Variants in HK1 observed in about 807,000 individuals in gnomAD.
The protein encoded by HK1 is hexokinase-1.
A neutral mutation model predicts 91.6 loss-of-function variants in HK1; 28 were observed. The observed-to-expected ratio is 0.31, with a 90% confidence interval of 0.23 to 0.42. HK1 has a LOEUF of 0.42. Ranked by LOEUF, HK1 falls within the 10% of genes least tolerant of loss-of-function variation. The probability of loss-of-function intolerance (pLI) is 1.00; values close to 1 mark genes in which losing one functional copy is unlikely to be tolerated. For missense variants in HK1, 770 were observed against 1,219.8 expected, an observed-to-expected ratio of 0.63 and a Z score of 5.49; for synonymous variants, 430 against 468.1, an observed-to-expected ratio of 0.92 and a Z score of 1.05.
intron 2 of HK1, among the ~76,000 whole-genome samples, chr10:69,355,809 G>GA (rs952896052): frequency 2.4e-4 from 36 of 147,606 alleles, no homozygotes; most frequent in South Asian, 1.7e-3. Flanking sequence ...ACTTTGTCTC[G>GA]AAAAAAAAAA....
intron 15 of HK1, among the ~76,000 whole-genome samples, chr10:69,393,975 A>G (rs942101533): frequency 2.0e-5 from 3 of 152,244 alleles, no homozygotes; most frequent in African/African-American, 7.2e-5. Flanking sequence ...GGTTAAGGAC[A>G]TGTCAGCACC....
intron 2 of HK1, among the ~76,000 whole-genome samples, chr10:69,348,419 T>G (rs1262466975): frequency 6.6e-6 from 1 of 152,234 alleles, no homozygotes; most frequent in Non-Finnish European, 1.5e-5. Context: ...TCAAGTATTC[T>G]CTCTATCTGT....
At chr10:69,347,369 G>A (rs141538079) in intron 2 of HK1, among the ~76,000 whole-genome samples, 245 of 152,056 alleles carry the variant, frequency 1.6e-3, no homozygotes, top group African/African-American at 5.7e-3. Context: ...TGATTACTAG[G>A]GAGAATGAAG....
chr10:69,364,483 ATT>A (rs571425524), intron 3 of HK1, among the ~76,000 whole-genome samples: 6 of 151,688 alleles, frequency 4.0e-5, no homozygotes, highest in Non-Finnish European at 8.8e-5. Flanking sequence ...TTATTTTTCC[ATT>A]TTTCTCAGTA....
At chr10:69,315,849 G>A, upstream of HK1, 1 of 1,093,246 alleles carries the variant, frequency 9.1e-7, no homozygotes, top group Non-Finnish European at 1.4e-6. Context: ...GGACTAGGCT[G>A]GAGTCCTGGC....
intron 1 of HK1, among the ~76,000 whole-genome samples, chr10:69,271,768 C>T (rs1025335390): frequency 1.3e-5 from 2 of 152,150 alleles, no homozygotes; most frequent in South Asian, 2.1e-4. Context: ...TGAGCCACTG[C>T]ACCCGGCCTG....
At chr10:69,389,329 A>C in intron 14 of HK1, 33 bp downstream of exon 14, 4 of 1,498,800 alleles carry the variant, frequency 2.7e-6, no homozygotes, top group Non-Finnish European at 3.7e-6. Context: ...TTCCCTGCAG[A>C]AGGGAAGGCT....
intron 2 of HK1, among the ~76,000 whole-genome samples, 175 bp downstream of exon 2, chr10:69,344,164 C>T (rs1406764516): frequency 6.6e-6 from 1 of 152,168 alleles, no homozygotes; most frequent in Admixed American, 6.5e-5. Flanking sequence ...TCCATCCATC[C>T]ATCCATCCGC....
intron 1 of HK1, among the ~76,000 whole-genome samples, chr10:69,324,724 T>TG (rs901052712): frequency 2.0e-5 from 3 of 152,206 alleles, no homozygotes; most frequent in African/African-American, 7.2e-5. Context: ...AGGCTGCAGA[T>TG]GTTAGCTCCT....
intron 3 of HK1, 58 bp downstream of exon 3, chr10:69,360,103 C>T (rs1849342283): frequency 6.5e-7 from 1 of 1,534,844 alleles, no homozygotes; most frequent in Admixed American, 1.7e-5. Flanking sequence ...TGGTTACCTC[C>T]AGGAACCAGG....
chr10:69,330,069 C>T (rs1319151363), intron 1 of HK1, among the ~76,000 whole-genome samples: 2 of 152,164 alleles, frequency 1.3e-5, no homozygotes, highest in East Asian at 1.9e-4. Context: ...ATGCTCCTTG[C>T]GATGCCCACT....
chr10:69,373,998 GC>G (rs1236950967), intron 7 of HK1, among the ~76,000 whole-genome samples: 1 of 152,090 alleles, frequency 6.6e-6, no homozygotes, highest in Non-Finnish European at 1.5e-5. Flanking sequence ...AAAATGCAGA[GC>G]CCCCACCCCA....
At chr10:69,298,740 G>A (rs1845699512) in intron 4 of HK1, among the ~76,000 whole-genome samples, 1 of 151,774 alleles carries the variant, frequency 6.6e-6, no homozygotes, top group South Asian at 2.1e-4. Flanking sequence ...TACATCATGG[G>A]GTTGAAAGAA....
intron 3 of HK1, among the ~76,000 whole-genome samples, chr10:69,294,834 C>G (rs1468592673): frequency 6.6e-6 from 1 of 151,900 alleles, no homozygotes; most frequent in Admixed American, 6.6e-5. Context: ...TGCACTCCAG[C>G]CTGGGCAACA....
At chr10:69,274,342 A>G (rs1844332052) in intron 1 of HK1, among the ~76,000 whole-genome samples, 1 of 152,166 alleles carries the variant, frequency 6.6e-6, no homozygotes, top group African/African-American at 2.4e-5. Context: ...TCACGTTTCT[A>G]ATCCCAGCAC....
intron 13 of HK1, 192 bp downstream of exon 13, chr10:69,386,610 T>C (rs4746847): frequency 0.16 from 70,725 of 443,340 alleles, 7,248 homozygotes; most frequent in East Asian, 0.4. Flanking sequence ...GGTGAAACCC[T>C]GTCTCTACTA....
intron 3 of HK1, among the ~76,000 whole-genome samples, chr10:69,290,655 C>T (rs894109895): frequency 2.0e-5 from 3 of 152,152 alleles, no homozygotes; most frequent in South Asian, 4.1e-4. Flanking sequence ...CCCGCCACCA[C>T]GCCTGGCTAA....
At chr10:69,334,071 A>G (rs944038608) in intron 1 of HK1, among the ~76,000 whole-genome samples, 2 of 152,140 alleles carry the variant, frequency 1.3e-5, no homozygotes, top group Non-Finnish European at 2.9e-5. Context: ...AGATTGCGCC[A>G]CTGTACTCTC....
rs374262470 is a variant in HK1, at chr10:69,373,589, GT to G, written c.876-3330del. Among the ~76,000 whole-genome samples the G allele has an allele frequency of 4.1e-3, 578 of 141,820 alleles. 4 individuals are homozygous for G. The highest frequency in any genetic ancestry group is 0.012 in the African/African-American group (450 of 38,756). The allele number at this position is 141,820 out of a possible 152,430, so 93.0% of individuals were successfully genotyped here. A position where few individuals can be genotyped will look rare whatever the true frequency, so the allele number is the denominator to read the frequency against. ...TCTCCTTCCCTTTTGTTTCCTTGAG[GT>G]TTTTTTTTTTTTTTCTTTGAGACAG... On this transcript the variant is annotated intron_variant, in intron 7 of 17. Coordinates refer to ENST00000359426, the MANE Select transcript of HK1 (RefSeq NM_000188.3).
Sources: allele counts gnomAD v4.1 joint callset (sites outside exome capture counted in the v4.1 genomes callset), GRCh38; gene constraint gnomAD v4.1.1; transcripts MANE v1.5; gene names NCBI Gene and HGNC (gene_info 2026-07-23, HGNC 2026-07-21).